Variants in ZNF521 observed in about 807,000 individuals in gnomAD.
The protein encoded by ZNF521 is zinc finger protein 521.
In ZNF521, 14 loss-of-function variants were observed where a neutral mutation model predicts 105.5. The observed-to-expected ratio is 0.13, with a 90% CI of 0.09 to 0.21. The LOEUF is 0.21. Among genes scored for constraint, ZNF521 ranks in the 10% least tolerant of loss-of-function variants. ZNF521 has a pLI of 1.00. For missense variants in ZNF521, 1,233 were observed against 1,629.7 expected (o/e 0.76, Z 4.19); for synonymous variants, 635 against 606.0 (o/e 1.05, Z -0.70).
rs771293746 is a variant in ZNF521, at chr18:25,227,113, G to A, written c.805C>T (p.His269Tyr). 3.1e-6 allele frequency: 5 copies of A among 1,614,106 alleles called. No individual in the cohort carries two copies. Among genetic ancestry groups the A allele is most frequent in the Admixed American group, 3.3e-5 (2 of 60,014 alleles). ...TCCTCATTTGGGGAGCATTCGGGGT[G>A]GCACTCTGCAATGTGTTTTTGGAGG... The part of the protein sequence containing the change: ...EDLQKHIAEC[H>Y]PECSPNEDRA... Residue 269 changes from histidine to tyrosine, a missense_variant, in exon 4 of 8, where the codon CAC becomes TAC. Coordinates refer to ENST00000361524, the MANE Select transcript of ZNF521 (RefSeq NM_015461.3). The surrounding 1 kb of genome is among the most constrained non-coding windows in gnomAD (Gnocchi z 5.7).
At chr18:25,083,075 T>C (rs1381847580) in intron 7 of ZNF521, among the ~76,000 whole-genome samples, 1 of 152,136 alleles carries the variant, frequency 6.6e-6, no homozygotes, top group East Asian at 1.9e-4. Context: ...GATTCTACCT[T>C]GTCTTTCGTG....
intron 5 of ZNF521, among the ~76,000 whole-genome samples, chr18:25,184,004 C>G (rs2035677184): frequency 6.6e-6 from 1 of 151,728 alleles, no homozygotes; most frequent in Non-Finnish European, 1.5e-5. Flanking sequence ...TTTGGTTCAC[C>G]AAAAATACAT....
intron 3 of ZNF521, among the ~76,000 whole-genome samples, chr18:25,301,662 T>A (rs1568065486): frequency 6.6e-6 from 1 of 152,200 alleles, no homozygotes; most frequent in Non-Finnish European, 1.5e-5. Context: ...TAGGTGAAAG[T>A]CTTCCTTCTT....
At chr18:25,258,388 C>T (rs2144882438) in intron 3 of ZNF521, among the ~76,000 whole-genome samples, 1 of 152,210 alleles carries the variant, frequency 6.6e-6, no homozygotes, top group East Asian at 1.9e-4. Context: ...TATGACAACT[C>T]TCTACAAGTA....
At chr18:25,069,108 A>G (rs1460487968) in intron 7 of ZNF521, among the ~76,000 whole-genome samples, 2 of 152,232 alleles carry the variant, frequency 1.3e-5, no homozygotes, top group Admixed American at 6.5e-5. Flanking sequence ...TCGAATCAAT[A>G]TAAGTACTAT....
intron 3 of ZNF521, among the ~76,000 whole-genome samples, chr18:25,233,418 C>T (rs1288785967): frequency 6.6e-6 from 1 of 151,820 alleles, no homozygotes; most frequent in Non-Finnish European, 1.5e-5. Context: ...AAAACGAATA[C>T]CCTTTACTGG....
Position 25,123,145 on chromosome 18 carries a change from TATG to T in ZNF521, c.3659-31067_3659-31065del, listed in dbSNP as rs2034476437. 7.2e-5 allele frequency among the ~76,000 whole-genome samples: 11 copies of T among 151,846 alleles called. No individual in the cohort carries two copies. The South Asian group carries it at 2.3e-3, about 32-fold the overall frequency. On this transcript the variant is annotated intron_variant, in intron 5 of 7. Coordinates refer to ENST00000361524, the MANE Select transcript of ZNF521 (RefSeq NM_015461.3). Reference sequence around the variant, plus strand: ...ATCTGTACTTACAAATGACTCATTATATGAGTCATTTGTAAGTACAGATAATTA... The same window carrying T: ...ATCTGTACTTACAAATGACTCATTATAGTCATTTGTAAGTACAGATAATTA...
chr18:25,322,401 C>A, intron 2 of ZNF521: 1 of 653,136 alleles, frequency 1.5e-6, no homozygotes. Context: ...CTTTCCCCAC[C>A]ATGTAGCCCT....
chr18:25,226,246 C>T lies in ZNF521; in HGVS notation c.1672G>A (p.Glu558Lys). 1 of 1,614,186 alleles carries T rather than the reference C, an allele frequency of 6.2e-7. No homozygotes were observed. The highest frequency in any genetic ancestry group is 8.5e-7 in the Non-Finnish European group (1 of 1,180,016). The change falls in exon 4 of 8, where the codon GAA becomes AAA. Residue 558 changes from glutamate (E) to lysine (K), a missense_variant. By Grantham distance (56) the Glu-to-Lys change is moderately conservative. Around this residue, in one of 6 missense-constraint regions of ZNF521, gnomAD observed 380 missense variants for 478.0 expected, o/e 0.80. Transcript: ENST00000361524. This position sits in a 1 kb window ranked among gnomAD's most constrained non-coding sequence, Gnocchi z 4.1. ...VLGTPKEPVVEVYSCSYCTNS... is the reference protein window; with the variant it reads ...VLGTPKEPVVKVYSCSYCTNS... The stretch of plus-strand genomic sequence containing the variant: ...GTACAATAGGAACAAGAATAGACTT[C>T]TACTACTGGTTCTTTGGGAGTCCCA...
At chr18:25,209,662 T>C (rs941677718) in intron 4 of ZNF521, among the ~76,000 whole-genome samples, 9 of 152,240 alleles carry the variant, frequency 5.9e-5, no homozygotes, top group Admixed American at 5.9e-4. Flanking sequence ...ACCTTTCATG[T>C]CCAATTTTTA....
intron 7 of ZNF521, among the ~76,000 whole-genome samples, chr18:25,075,970 T>C (rs2033351546): frequency 6.6e-6 from 1 of 152,224 alleles, no homozygotes; most frequent in African/African-American, 2.4e-5. Context: ...AAATCATTTT[T>C]TTTTGGAATG....
Position 25,062,574 on chromosome 18 carries a change from G to A in ZNF521, c.*138C>T. 1 of 1,195,986 alleles carries A rather than the reference G, an allele frequency of 8.4e-7. No homozygotes were observed. The highest frequency in any genetic ancestry group is 2.1e-4 in the Middle Eastern group (1 of 4,736). 74.1% of individuals were successfully genotyped at this position (1,195,986 alleles called of 1,614,324 possible). On this transcript the variant is annotated 3_prime_UTR_variant, in exon 8 of 8. Transcript: ENST00000361524. Reference sequence around the variant, plus strand: ...AGTTCAAACACATGAACATCCAACAGTTTGATAATACAAGTTTTATGGTAC... The same window carrying A: ...AGTTCAAACACATGAACATCCAACAATTTGATAATACAAGTTTTATGGTAC...
At chr18:25,172,151 C>T (rs1048746505) in intron 5 of ZNF521, among the ~76,000 whole-genome samples, 9 of 152,098 alleles carry the variant, frequency 5.9e-5, no homozygotes, top group African/African-American at 1.9e-4. Context: ...TATGCTAGAA[C>T]ATTTGAAGAT....
intron 3 of ZNF521, among the ~76,000 whole-genome samples, chr18:25,284,552 G>A (rs1181038810): frequency 6.6e-6 from 1 of 152,122 alleles, no homozygotes; most frequent in Non-Finnish European, 1.5e-5. Flanking sequence ...AGAGCGCTGA[G>A]GGCCGGAGGA....
At chr18:25,185,324 C>T (rs367594134) in intron 5 of ZNF521, among the ~76,000 whole-genome samples, 2 of 151,900 alleles carry the variant, frequency 1.3e-5, no homozygotes, top group African/African-American at 4.8e-5. Flanking sequence ...AAAGAGGCAT[C>T]GATAAAGAAC....
intron 3 of ZNF521, among the ~76,000 whole-genome samples, chr18:25,310,123 T>A (rs896055894): frequency 6.6e-6 from 1 of 152,098 alleles, no homozygotes; most frequent in African/African-American, 2.4e-5. Flanking sequence ...AACCAACATG[T>A]CTGAGGTCAT....
In ZNF521 at chr18:25,242,240, C is replaced by G. The variant is rs149595786; in HGVS notation, c.221-14543G>C. 3.3e-5 allele frequency among the ~76,000 whole-genome samples: 5 copies of G among 152,310 alleles called. No individual in the cohort carries two copies. In the East Asian group the frequency reaches 9.7e-4, roughly 29 times the overall value. ...GTAAGGACTCAATAGCCTGTGTCAT[C>G]AACCAAATCCACATCCCCGATCTCT... On this transcript the variant is annotated intron_variant, in intron 3 of 7. Transcript: ENST00000361524.
At chr18:25,152,579 A>G (rs1009448590) in intron 5 of ZNF521, among the ~76,000 whole-genome samples, 1 of 152,122 alleles carries the variant, frequency 6.6e-6, no homozygotes, top group African/African-American at 2.4e-5. Context: ...TTACCAAGGG[A>G]TTTTTACTGC....
chr18:25,238,739 C>A (rs901851742), intron 3 of ZNF521, among the ~76,000 whole-genome samples: 6 of 152,192 alleles, frequency 3.9e-5, no homozygotes, highest in African/African-American at 1.4e-4. Context: ...CCCTCTACCA[C>A]AGCCAGATGA....
Sources: allele counts gnomAD v4.1 joint callset (sites outside exome capture counted in the v4.1 genomes callset), GRCh38; gene constraint gnomAD v4.1.1; regional missense constraint gnomAD v4.1.1; non-coding constraint Gnocchi (gnomAD v3.1); transcripts MANE v1.5; gene names NCBI Gene and HGNC (gene_info 2026-07-23, HGNC 2026-07-21).